The following MUC4 variants were observed in gnomAD, a reference collection of about 807,000 sequenced individuals.
MUC4 encodes mucin-4.
In MUC4, 202 loss-of-function variants were observed where a neutral mutation model predicts 257.9. That is an observed-to-expected ratio of 0.78 (90% CI 0.70 to 0.88). The LOEUF (loss-of-function observed/expected upper bound fraction) is 0.88, where lower values mean the gene tolerates loss of function less well. Ranked by LOEUF, MUC4 falls within the 40% of genes least tolerant of loss-of-function variation. The probability of loss-of-function intolerance (pLI) is 0.00; values close to 1 mark genes in which losing one functional copy is unlikely to be tolerated. For missense variants in MUC4, 5,976 were observed against 6,513.7 expected (o/e 0.92, Z 2.84); for synonymous variants, 2,351 against 2,757.1 (o/e 0.85, Z 4.62).
intron 1 of MUC4, among the ~76,000 whole-genome samples, chr3:195,804,450 G>A (rs1560421261): frequency 6.6e-6 from 1 of 152,258 alleles, no homozygotes; most frequent in Non-Finnish European, 1.5e-5. Context: ...CAGATTCCAA[G>A]AAGGGTGAAG....
intron 7 of MUC4, among the ~76,000 whole-genome samples, chr3:195,768,406 C>T (rs1038241106): frequency 4.6e-5 from 7 of 152,188 alleles, no homozygotes; most frequent in African/African-American, 9.6e-5. Flanking sequence ...ACATTTCAAC[C>T]GCCCACAGCC....
chr3:195,798,580 T>C (rs1443184584), intron 1 of MUC4, among the ~76,000 whole-genome samples: 1 of 150,810 alleles, frequency 6.6e-6, no homozygotes, highest in African/African-American at 2.4e-5. Flanking sequence ...GGCGGGCGCC[T>C]GTAGTCCCAG....
intron 8 of MUC4, 41 bp downstream of exon 8, chr3:195,766,622 G>A (rs766312764): frequency 3.1e-5 from 49 of 1,578,836 alleles, no homozygotes; most frequent in Non-Finnish European, 4.2e-5. Flanking sequence ...GACACGCGAG[G>A]GCTTGAGACC....
chr3:195,752,363 C>A lies in MUC4; in HGVS notation c.15582+10G>T, dbSNP rs770118224. ...CCCCTCCCACCCAGAGCGCGGCCTG[C>A]AGCACTGACCGAGGCGTTGACTTCT... On this transcript the variant is annotated intron_variant, in intron 21 of 24. Transcript: ENST00000463781. The A allele has an allele frequency of 6.2e-6, 10 of 1,610,454 alleles. No homozygotes were observed. The Admixed American group carries it at 1.2e-4, about 19-fold the overall frequency.
rs759575004 is a variant in MUC4, at chr3:195,785,400, A to C, written c.6180T>G (p.Gly2060=). Residue 2060 remains glycine (G), a synonymous_variant, in exon 2 of 25, where the codon GGT becomes GGG. Transcript: ENST00000463781. ...TAGTGACAGGAAGAGGCGTGGTGTC[A>C]CCTGTGGATACTGAGGAAAGGCTGG... is the stretch of plus-strand genomic sequence containing the variant. The part of the protein sequence containing the change: ...PVTSLSSVST[G]DTTPLPVTNP... 4 of 1,510,562 alleles carry C rather than the reference A, an allele frequency of 2.6e-6. 1 individual carries two copies. In the South Asian group the frequency reaches 4.9e-5, roughly 18 times the overall value. 93.6% of individuals were successfully genotyped at this position (1,510,562 alleles called of 1,614,324 possible).
Position 195,762,596 on chromosome 3 carries a change from C to CGGG in MUC4, c.14344+258_14344+259insCCC. On this transcript the variant is annotated intron_variant, in intron 13 of 24. Transcript: ENST00000463781. ...CACCGGGCCCTGCACCGCCACGCACCCGGCCCTGCACCGCCACGCACCCGG... is the reference window on the plus strand; with the variant it reads ...CACCGGGCCCTGCACCGCCACGCACCGGGCGGCCCTGCACCGCCACGCACCCGG... Among the ~76,000 whole-genome samples the CGGG allele has an allele frequency of 5.0e-5, 7 of 138,718 alleles. 1 individual carries two copies. The highest frequency in any genetic ancestry group is 1.3e-4 in the African/African-American group (5 of 37,272). 91.0% of individuals were successfully genotyped at this position (138,718 alleles called of 152,430 possible). A position where few individuals can be genotyped will look rare whatever the true frequency, so the allele number is the denominator to read the frequency against.
chr3:195,778,656 C>A (rs1277959396), intron 2 of MUC4, 134 bp downstream of exon 2: 3 of 1,269,660 alleles, frequency 2.4e-6, no homozygotes, highest in African/African-American at 1.5e-5. Context: ...CCACACCCAT[C>A]ACCTCCTCCC....
In MUC4 at chr3:195,751,242, C is replaced by T; in HGVS notation, c.15612G>A (p.Met5204Ile). Reference sequence around the variant, plus strand: ...CTTGGCTGTTGCGGAGAAAGGCCCGCATGTCCAGGGTCCCCAGTCTGTATG... The same window carrying T: ...CTTGGCTGTTGCGGAGAAAGGCCCGTATGTCCAGGGTCCCCAGTCTGTATG... Reference protein sequence around the residue: ...SVAYRLGTLDMRAFLRNSQVE... With the variant: ...SVAYRLGTLDIRAFLRNSQVE... The change falls in exon 22 of 25, where the codon ATG (methionine) becomes ATA (isoleucine). Residue 5204 changes from methionine to isoleucine, a missense_variant. Transcript: ENST00000463781. The T allele has an allele frequency of 6.2e-7, 1 of 1,607,724 alleles. No individual in the cohort carries two copies. Among genetic ancestry groups the T allele is most frequent in the Non-Finnish European group, 8.5e-7 (1 of 1,177,544 alleles).
At chr3:195,767,928 C>CCAA (rs1560266716) in intron 7 of MUC4, among the ~76,000 whole-genome samples, 4 of 124,076 alleles carry the variant, frequency 3.2e-5, no homozygotes, top group Admixed American at 8.0e-5. Context: ...ACTGCCACCT[C>CCAA]CACCGCCACT....
rs1470209295 is a variant in MUC4, at chr3:195,789,594, C to G, written c.1986G>C (p.Lys662Asn). 5 of 1,613,812 alleles carry G rather than the reference C, an allele frequency of 3.1e-6. No homozygotes were observed. Among genetic ancestry groups the G allele is most frequent in the Non-Finnish European group, 4.2e-6 (5 of 1,179,844 alleles). Residue 662 changes from lysine to asparagine, a missense_variant, in exon 2 of 25, where the codon AAG becomes AAC. Transcript: ENST00000463781. The stretch of plus-strand genomic sequence containing the variant: ...AGGAAGAACCTGGGGTGGTGACTGT[C>G]TTGGTGTCAGTCATGGGGGAGACGG... The part of the protein sequence containing the change: ...TRSVSPMTDT[K>N]TVTTPGSSFT...
At chr3:195,794,888 G>A (rs1000915228) in intron 1 of MUC4, among the ~76,000 whole-genome samples, 32 of 152,310 alleles carry the variant, frequency 2.1e-4, no homozygotes, top group Middle Eastern at 3.4e-3. Context: ...TTCATTAATA[G>A]TAACTGCTTA....
At chr3:195,796,762 T>C (rs1015480897) in intron 1 of MUC4, among the ~76,000 whole-genome samples, 1 of 152,026 alleles carries the variant, frequency 6.6e-6, no homozygotes, top group African/African-American at 2.4e-5. Flanking sequence ...TACAGGCAAA[T>C]CAGACATTCA....
chr3:195,759,335 A>G (rs1718309477), intron 16 of MUC4, 74 bp from the exon 17 acceptor site: 1 of 1,563,298 alleles, frequency 6.4e-7, no homozygotes, highest in Admixed American at 1.7e-5. Context: ...CTCTTTCTCA[A>G]CTCTAATATG....
At chr3:195,770,434 C>A in intron 5 of MUC4, 63 bp from the exon 6 acceptor site, 2 of 1,593,172 alleles carry the variant, frequency 1.3e-6, no homozygotes, top group Non-Finnish European at 1.7e-6. Flanking sequence ...ATGGGCCCCC[C>A]ACTTTCTGCC....
chr3:195,768,091 C>T (rs1289721087), intron 7 of MUC4, among the ~76,000 whole-genome samples: 1 of 152,104 alleles, frequency 6.6e-6, no homozygotes, highest in Non-Finnish European at 1.5e-5. Flanking sequence ...TGGGCTTTTC[C>T]TCCTCCCTGA....
chr3:195,795,459 T>C (rs1047235813), intron 1 of MUC4, among the ~76,000 whole-genome samples: 1 of 152,110 alleles, frequency 6.6e-6, no homozygotes, highest in Non-Finnish European at 1.5e-5. Flanking sequence ...CAATGCCAGA[T>C]AAATACAGGT....
In MUC4 at chr3:195,778,991, C is replaced by CGGCT; in HGVS notation, c.12588_12589insAGCC (p.Asp4197SerfsTer118). On this transcript the variant is annotated frameshift_variant, in exon 2 of 25. Coordinates refer to ENST00000463781, the MANE Select transcript of MUC4 (RefSeq NM_018406.7). LOFTEE classifies it high-confidence loss of function. ...TGACCTGTGGATGCTGAGGAAGTGT[C>CGGCT]GGTGACAGGAAGAGGGGTGGTGTCA... 1 of 1,274,278 alleles carries CGGCT rather than the reference C, an allele frequency of 7.8e-7. No homozygotes were observed. Among genetic ancestry groups the CGGCT allele is most frequent in the African/African-American group, 2.0e-5 (1 of 51,074 alleles). The allele number at this position is 1,274,278 out of a possible 1,614,324, so 78.9% of individuals were successfully genotyped here. A position where few individuals can be genotyped will look rare whatever the true frequency, so the allele number is the denominator to read the frequency against.
intron 3 of MUC4, 72 bp downstream of exon 3, chr3:195,778,231 G>T: frequency 6.7e-7 from 1 of 1,495,476 alleles, no homozygotes; most frequent in Non-Finnish European, 9.0e-7. Context: ...GAGACTGTGG[G>T]AAGTAGGCTG....
Position 195,791,241 on chromosome 3 carries a change from T to TGTCTCTTGCGTAACA in MUC4, c.338_339insTGTTACGCAAGAGAC (p.Thr113_Ala114insValThrGlnGluThr). ...ATGTGGTCATTTCATCTGGAGGAGC[T>TGTCTCTTGCGTAACA]GTCTCCATCACATTGTGTACACTTG... On this transcript the variant is annotated inframe_insertion, in exon 2 of 25. Coordinates refer to ENST00000463781, the MANE Select transcript of MUC4 (RefSeq NM_018406.7). 1 of 1,613,196 alleles carries TGTCTCTTGCGTAACA rather than the reference T, an allele frequency of 6.2e-7. No homozygotes were observed. Among genetic ancestry groups the TGTCTCTTGCGTAACA allele is most frequent in the Non-Finnish European group, 8.5e-7 (1 of 1,179,520 alleles).
Sources: gnomAD v4.1 joint callset for allele counts (sites outside exome capture counted in the v4.1 genomes callset) on GRCh38, gnomAD v4.1.1 for gene constraint, MANE v1.5 for transcripts, NCBI Gene and HGNC (gene_info 2026-07-23, HGNC 2026-07-21) for gene names.